Variants in CSMD1 observed in about 807,000 individuals in gnomAD.
The protein encoded by CSMD1 is CUB and Sushi multiple domains 1.
Under a neutral mutation model 417.5 loss-of-function variants are expected in CSMD1, and 213 were observed. The ratio of observed to expected loss-of-function variants is 0.51; its 90% CI spans 0.46 to 0.57. CSMD1 has a LOEUF of 0.57. Ranked by LOEUF, CSMD1 falls within the 20% of genes least tolerant of loss-of-function variation. CSMD1 has a pLI of 0.00. For missense variants in CSMD1, 6,923 were observed against 4,529.7 expected (o/e 1.53, Z -15.17); for synonymous variants, 2,862 against 1,736.8 (o/e 1.65, Z -16.11).
intron 1 of CSMD1, among the ~76,000 whole-genome samples, chr8:4,969,940 A>T (rs568775569): frequency 6.6e-5 from 10 of 152,116 alleles, no homozygotes; most frequent in African/African-American, 9.7e-5. Context: ...TTAAAACTGG[A>T]TGCAAACATG....
chr8:3,535,366 G>A (rs1024547714), intron 10 of CSMD1, among the ~76,000 whole-genome samples: 2 of 152,104 alleles, frequency 1.3e-5, no homozygotes, highest in African/African-American at 4.8e-5. Context: ...TGAGTCCAGA[G>A]GACAGAAATG....
At chr8:3,320,157 G>GA (rs1249746914) in intron 23 of CSMD1, among the ~76,000 whole-genome samples, 1 of 152,174 alleles carries the variant, frequency 6.6e-6, no homozygotes, top group Admixed American at 6.5e-5. Flanking sequence ...ATATAATCCT[G>GA]AAAATCACCT....
At position 3,335,366 on chromosome 8, in the gene CSMD1, G is replaced by C. The variant is rs535773475; in HGVS notation, c.3631+7928C>G. 1.3e-3 allele frequency among the ~76,000 whole-genome samples: 198 copies of C among 152,274 alleles called. 1 individual carries two copies. The highest frequency in any genetic ancestry group is 2.3e-3 in the Non-Finnish European group (155 of 68,030). On this transcript the variant is annotated intron_variant, in intron 23 of 69. Coordinates refer to ENST00000635120, the MANE Select transcript of CSMD1 (RefSeq NM_033225.6). Reference sequence around the variant, plus strand: ...GGTGTGTGTCCCAACGACACAAATGGTCTCACATTTCATATAAGAAGAAAG... The same window carrying C: ...GGTGTGTGTCCCAACGACACAAATGCTCTCACATTTCATATAAGAAGAAAG...
chr8:4,506,080 T>C lies in CSMD1; in HGVS notation c.303-86015A>G, dbSNP rs183696529. Among the ~76,000 whole-genome samples, 260 of 152,236 alleles carry C rather than the reference T, an allele frequency of 1.7e-3. 1 individual carries two copies. Among genetic ancestry groups the C allele is most frequent in the Non-Finnish European group, 2.0e-3 (136 of 68,014 alleles). On this transcript the variant is annotated intron_variant, in intron 2 of 69. Coordinates refer to ENST00000635120, the MANE Select transcript of CSMD1 (RefSeq NM_033225.6). ...GTAAAGCAATCAAAAGCCATTCGAA[T>C]AACCAAAATTAATTACCACAATAGT... is the stretch of plus-strand genomic sequence containing the variant.
chr8:3,610,249 C>G (rs1407169945), intron 8 of CSMD1, among the ~76,000 whole-genome samples: 2 of 152,036 alleles, frequency 1.3e-5, no homozygotes, highest in African/African-American at 2.4e-5. Context: ...AACAATAAAT[C>G]GATATGTGGG....
chr8:4,696,792 A>G (rs1038474849), intron 1 of CSMD1, among the ~76,000 whole-genome samples: 14 of 152,238 alleles, frequency 9.2e-5, no homozygotes, highest in Non-Finnish European at 1.5e-4. Flanking sequence ...CAGTGAATGT[A>G]TGTTTACACA....
At chr8:4,329,447 C>G (rs902603601) in intron 3 of CSMD1, among the ~76,000 whole-genome samples, 1 of 152,104 alleles carries the variant, frequency 6.6e-6, no homozygotes, top group African/African-American at 2.4e-5. Context: ...CGTCAGCACA[C>G]TGGCTAATTT....
intron 2 of CSMD1, among the ~76,000 whole-genome samples, chr8:4,618,436 C>T (rs916388760): frequency 7.9e-5 from 12 of 151,936 alleles, no homozygotes; most frequent in African/African-American, 2.4e-4. Flanking sequence ...GCAGGACTCA[C>T]GGAGTGCTGT....
chr8:3,039,997 T>A (rs1351787306), intron 50 of CSMD1, among the ~76,000 whole-genome samples: 1 of 152,106 alleles, frequency 6.6e-6, no homozygotes, highest in Non-Finnish European at 1.5e-5. Flanking sequence ...TCACTGAGAA[T>A]CCAGAAAGTG....
intron 3 of CSMD1, among the ~76,000 whole-genome samples, chr8:4,293,232 A>G (rs2128868497): frequency 1.3e-5 from 2 of 152,166 alleles, no homozygotes; most frequent in South Asian, 2.1e-4. Context: ...TCAAGGCCAG[A>G]CTCCAAGGGC....
intron 2 of CSMD1, among the ~76,000 whole-genome samples, chr8:4,627,019 A>C (rs868402054): frequency 6.6e-6 from 1 of 152,192 alleles, no homozygotes; most frequent in African/African-American, 2.4e-5. Flanking sequence ...TACTCTAAGT[A>C]ATATTATATT....
At chr8:3,152,385 T>C (rs992503893) in intron 39 of CSMD1, among the ~76,000 whole-genome samples, 2 of 152,240 alleles carry the variant, frequency 1.3e-5, no homozygotes, top group Admixed American at 6.5e-5. Context: ...ATGATGCCAC[T>C]TCTTTTCAGG....
At chr8:4,375,127 G>A (rs923049521) in intron 3 of CSMD1, among the ~76,000 whole-genome samples, 2 of 152,090 alleles carry the variant, frequency 1.3e-5, no homozygotes, top group African/African-American at 4.8e-5. Flanking sequence ...GTCAAAAATG[G>A]CAACTGTAGA....
intron 23 of CSMD1, among the ~76,000 whole-genome samples, chr8:3,313,312 C>G (rs370073493): frequency 3.9e-5 from 6 of 152,048 alleles, no homozygotes; most frequent in African/African-American, 1.2e-4. Flanking sequence ...CAAAAGAAAC[C>G]ACCATCAGAG....
intron 2 of CSMD1, among the ~76,000 whole-genome samples, chr8:4,454,561 G>A (rs1172128998): frequency 6.6e-6 from 1 of 152,186 alleles, no homozygotes; most frequent in Admixed American, 6.5e-5. Context: ...CCTTTGCACA[G>A]AGTAGACCCA....
intron 1 of CSMD1, among the ~76,000 whole-genome samples, chr8:4,810,066 A>T (rs1798808805): frequency 6.6e-6 from 1 of 152,262 alleles, no homozygotes; most frequent in East Asian, 1.9e-4. Context: ...AATACCAGTT[A>T]AAGTTAGCTC....
At chr8:3,503,182 G>T (rs933448923) in intron 10 of CSMD1, among the ~76,000 whole-genome samples, 2 of 152,142 alleles carry the variant, frequency 1.3e-5, no homozygotes. Flanking sequence ...AAAGTACTTT[G>T]AACACACACA....
chr8:3,461,268 C>A (rs1816483214), intron 12 of CSMD1, among the ~76,000 whole-genome samples: 1 of 152,232 alleles, frequency 6.6e-6, no homozygotes, highest in Non-Finnish European at 1.5e-5. Flanking sequence ...CTGCCACAGA[C>A]TGCAAGTCCA....
chr8:4,579,579 G>A (rs1458511803), intron 2 of CSMD1, among the ~76,000 whole-genome samples: 1 of 151,954 alleles, frequency 6.6e-6, no homozygotes, highest in Non-Finnish European at 1.5e-5. Context: ...AGCCAGGCTG[G>A]TCTCGAGATC....
Sources: allele counts gnomAD v4.1 joint callset (sites outside exome capture counted in the v4.1 genomes callset), GRCh38; gene constraint gnomAD v4.1.1; transcripts MANE v1.5; gene names NCBI Gene and HGNC (gene_info 2026-07-23, HGNC 2026-07-21).